NRXN3: variants seen among roughly 807,000 people sequenced by gnomAD.
NRXN3 encodes the protein neurexin III.
NRXN3 carries 32 observed loss-of-function variants against 137.6 expected under a neutral mutation model. The observed-to-expected ratio is 0.23, with a 90% CI of 0.18 to 0.31. The LOEUF (loss-of-function observed/expected upper bound fraction) is 0.31, where lower values mean the gene tolerates loss of function less well. Ranked by LOEUF, NRXN3 falls within the 10% of genes least tolerant of loss-of-function variation. NRXN3 has a pLI of 1.00. For synonymous variants in NRXN3, 798 were observed against 784.5 expected (o/e 1.02, Z -0.29); for missense variants, 1,574 against 2,062.5 (o/e 0.76, Z 4.59).
intron 15 of NRXN3, among the ~76,000 whole-genome samples, chr14:79,053,344 A>G (rs1231617287): frequency 1.3e-5 from 2 of 152,168 alleles, no homozygotes; most frequent in Non-Finnish European, 2.9e-5. Context: ...GAAGGACTAG[A>G]GACTTTAGTT....
intron 10 of NRXN3, among the ~76,000 whole-genome samples, chr14:78,912,477 C>T (rs2099241711): frequency 6.6e-6 from 1 of 151,820 alleles, no homozygotes; most frequent in Admixed American, 6.6e-5. Flanking sequence ...GATATAATTT[C>T]CCCTATAGCA....
intron 10 of NRXN3, among the ~76,000 whole-genome samples, chr14:78,858,510 A>G (rs4899727): frequency 0.046 from 6,939 of 152,272 alleles, 334 homozygotes; most frequent in Admixed American, 0.16. Context: ...AGGAATCTCA[A>G]TATTTTTCTT....
chr14:79,517,407 T>C (rs565660509), intron 16 of NRXN3, among the ~76,000 whole-genome samples: 4 of 152,232 alleles, frequency 2.6e-5, no homozygotes, highest in African/African-American at 9.6e-5. Flanking sequence ...CCTCCCCTAG[T>C]TTTTTGTTTG....
intron 10 of NRXN3, among the ~76,000 whole-genome samples, chr14:78,827,690 G>C (rs953555317): frequency 8.5e-5 from 13 of 152,188 alleles, no homozygotes; most frequent in Non-Finnish European, 1.6e-4. Context: ...GGCTTGCCTT[G>C]TTCCTGCCTT....
At chr14:79,104,857 CA>C (rs888340324) in intron 15 of NRXN3, among the ~76,000 whole-genome samples, 38 of 149,816 alleles carry the variant, frequency 2.5e-4, no homozygotes, top group African/African-American at 9.1e-4. Context: ...AAGCCTTTAG[CA>C]ATTGCTATAT....
chr14:78,459,415 A>G (rs2094851631), intron 4 of NRXN3, among the ~76,000 whole-genome samples: 1 of 152,194 alleles, frequency 6.6e-6, no homozygotes, highest in Non-Finnish European at 1.5e-5. Context: ...TTGAATGCAA[A>G]GCTGGCTTTT....
intron 15 of NRXN3, among the ~76,000 whole-genome samples, chr14:79,181,299 A>G (rs910603196): frequency 6.6e-6 from 1 of 152,132 alleles, no homozygotes; most frequent in Non-Finnish European, 1.5e-5. Flanking sequence ...TGAAGTATAT[A>G]GTAGATATTT....
intron 15 of NRXN3, chr14:79,280,822 C>A: frequency 2.5e-6 from 1 of 393,112 alleles, no homozygotes; most frequent in Non-Finnish European, 4.7e-6. Flanking sequence ...TCTTTTGCAA[C>A]CTTCTACTCT....
intron 4 of NRXN3, among the ~76,000 whole-genome samples, chr14:78,419,855 T>C (rs1410084655): frequency 6.6e-6 from 1 of 152,158 alleles, no homozygotes; most frequent in East Asian, 1.9e-4. Context: ...TGATCATGGC[T>C]AACTGACTCT....
intron 15 of NRXN3, among the ~76,000 whole-genome samples, chr14:79,050,538 C>T (rs1158139917): frequency 2.0e-5 from 3 of 152,202 alleles, no homozygotes; most frequent in Non-Finnish European, 4.4e-5. Context: ...CAGAAGTGAA[C>T]ATGGACTAGA....
At chr14:78,425,688 A>G (rs1014636495) in intron 4 of NRXN3, among the ~76,000 whole-genome samples, 10 of 152,286 alleles carry the variant, frequency 6.6e-5, no homozygotes, top group Admixed American at 5.9e-4. Flanking sequence ...TGGTGATTTC[A>G]GAAGCAGCCC....
intron 19 of NRXN3, among the ~76,000 whole-genome samples, chr14:79,747,777 G>T: frequency 6.6e-6 from 1 of 152,124 alleles, no homozygotes; most frequent in East Asian, 1.9e-4. Flanking sequence ...GTCACTGATT[G>T]TATACTTAAT....
chr14:79,265,804 G>C (rs1188817974), intron 15 of NRXN3, among the ~76,000 whole-genome samples: 1 of 152,136 alleles, frequency 6.6e-6, no homozygotes, highest in Non-Finnish European at 1.5e-5. Flanking sequence ...CCTGAATTGG[G>C]CTAAGATATA....
At chr14:79,264,616 C>A (rs760178634) in intron 15 of NRXN3, among the ~76,000 whole-genome samples, 24 of 151,622 alleles carry the variant, frequency 1.6e-4, no homozygotes, top group Admixed American at 4.6e-4. Flanking sequence ...TATAAGGACA[C>A]CAGTATATTA....
At chr14:78,400,973 T>C (rs2153654380) in intron 4 of NRXN3, among the ~76,000 whole-genome samples, 1 of 152,284 alleles carries the variant, frequency 6.6e-6, no homozygotes, top group Middle Eastern at 3.4e-3. Context: ...GGCTGAGAAG[T>C]CCAATATCAA....
chr14:79,208,670 C>T (rs139204915), intron 15 of NRXN3, among the ~76,000 whole-genome samples: 1 of 152,276 alleles, frequency 6.6e-6, no homozygotes, highest in Non-Finnish European at 1.5e-5. Flanking sequence ...AATAGCACAA[C>T]TTACTCTGAT....
intron 17 of NRXN3, among the ~76,000 whole-genome samples, chr14:79,677,996 A>G (rs1255169209): frequency 6.6e-6 from 1 of 152,166 alleles, no homozygotes; most frequent in African/African-American, 2.4e-5. Flanking sequence ...GTGGCTGCAT[A>G]ATTATATAAC....
chr14:79,139,329 C>A (rs1295414810), intron 15 of NRXN3, among the ~76,000 whole-genome samples: 2 of 152,094 alleles, frequency 1.3e-5, no homozygotes. Context: ...TCTTGGTTAG[C>A]AAGTCAACAG....
chr14:78,696,021 C>T lies in NRXN3; in HGVS notation c.1222-13196C>T, dbSNP rs1011745543. 7.2e-5 allele frequency among the ~76,000 whole-genome samples: 11 copies of T among 152,144 alleles called. No homozygotes were observed. The East Asian group carries it at 1.5e-3, about 21-fold the overall frequency. Reference sequence around the variant, plus strand: ...GGAGGAGTCTTCCTCAAGGCTTTGGCAGGTGCTCCTAAACATGCTTCATCC... The same window carrying T: ...GGAGGAGTCTTCCTCAAGGCTTTGGTAGGTGCTCCTAAACATGCTTCATCC... On this transcript the variant is annotated intron_variant, in intron 6 of 20. Transcript: ENST00000335750.
Sources: gnomAD v4.1 joint callset for allele counts (sites outside exome capture counted in the v4.1 genomes callset) on GRCh38, gnomAD v4.1.1 for gene constraint, MANE v1.5 for transcripts, NCBI Gene and HGNC (gene_info 2026-07-23, HGNC 2026-07-21) for gene names.